ELP1: variants seen among roughly 807,000 people sequenced by gnomAD.
ELP1 encodes elongator acetyltransferase complex subunit 1.
A neutral mutation model predicts 183.2 loss-of-function variants in ELP1; 131 were observed. That is an observed-to-expected ratio of 0.72 (90% CI 0.62 to 0.83). The LOEUF (loss-of-function observed/expected upper bound fraction) is 0.83, where lower values mean the gene tolerates loss of function less well. ELP1 is among the 40% of genes least tolerant of loss of function. ELP1 has a pLI of 0.00. For missense variants in ELP1, 1,550 were observed against 1,594.9 expected, an observed-to-expected ratio of 0.97 and a Z score of 0.48; for synonymous variants, 555 against 569.0, an observed-to-expected ratio of 0.98 and a Z score of 0.35.
intron 28 of ELP1, among the ~76,000 whole-genome samples, chr9:108,890,062 A>G (rs1828264435): frequency 1.3e-5 from 2 of 152,226 alleles, no homozygotes; most frequent in African/African-American, 4.8e-5. Flanking sequence ...AAAACTAGAA[A>G]TACTCCCTCA....
chr9:108,917,660 T>C lies in ELP1; in HGVS notation c.751A>G (p.Ser251Gly), dbSNP rs17853166. The C allele has an allele frequency of 0.021, 34,213 of 1,612,468 alleles. 452 individuals carry two copies. Among genetic ancestry groups the C allele is most frequent in the Non-Finnish European group, 0.025 (29,710 of 1,179,410 alleles). Residue 251 changes from serine to glycine, a missense_variant, in exon 9 of 37, where the codon AGT becomes GGT. Ser to Gly is a moderately conservative substitution (Grantham distance 56). Transcript: ENST00000374647. Reference sequence around the variant, plus strand: ...TTATCTTGTGTAGATGCAATCAAACTGCCTGAGGGTCTTAAAGCAAACTCA... The same window carrying C: ...TTATCTTGTGTAGATGCAATCAAACCGCCTGAGGGTCTTAAAGCAAACTCA... Reference protein sequence around the residue: ...GPALAWKPSGSLIASTQDKPN... With the variant: ...GPALAWKPSGGLIASTQDKPN...
chr9:108,878,777 A>C, intron 33 of ELP1, 27 bp from the exon 34 acceptor site: 1 of 1,612,520 alleles, frequency 6.2e-7, no homozygotes, highest in East Asian at 2.2e-5. Context: ...AGATATTTTT[A>C]AGCCTCCTGA....
intron 10 of ELP1, among the ~76,000 whole-genome samples, chr9:108,914,413 AGG>A (rs762220846): frequency 0.12 from 10,670 of 89,276 alleles, 680 homozygotes; most frequent in Middle Eastern, 0.16. Flanking sequence ...AAAAAAAAAA[AGG>A]GGGGGGGGGT....
At chr9:108,923,391 A>C (rs888260328) in intron 5 of ELP1, among the ~76,000 whole-genome samples, 1 of 151,922 alleles carries the variant, frequency 6.6e-6, no homozygotes, top group Non-Finnish European at 1.5e-5. Flanking sequence ...AACAAACAAA[A>C]CCCATTTCAT....
intron 36 of ELP1, among the ~76,000 whole-genome samples, chr9:108,873,873 A>ATTT (rs1827586939): frequency 6.6e-6 from 1 of 151,994 alleles, no homozygotes; most frequent in Admixed American, 6.5e-5. Flanking sequence ...TCTAAATGAA[A>ATTT]AAACTTAAGA....
At position 108,880,039 on chromosome 9, in the gene ELP1, C is replaced by T. The variant is rs149897637; in HGVS notation, c.3460+13G>A. ...TGCCCCCGCACGTCGATGGCCTTCACGCAGATACTCACCCAGACCTGCCTG... is the reference window on the plus strand; with the variant it reads ...TGCCCCCGCACGTCGATGGCCTTCATGCAGATACTCACCCAGACCTGCCTG... On this transcript the variant is annotated intron_variant, in intron 32 of 36. Coordinates refer to ENST00000374647, the MANE Select transcript of ELP1 (RefSeq NM_003640.5). 5.8e-5 allele frequency: 91 copies of T among 1,560,340 alleles called. 1 individual carries two copies. Among genetic ancestry groups the T allele is most frequent in the African/African-American group, 3.0e-4 (22 of 73,904 alleles).
At chr9:108,893,591 T>A (rs144470593) in intron 26 of ELP1, among the ~76,000 whole-genome samples, 78 of 152,246 alleles carry the variant, frequency 5.1e-4, no homozygotes, top group African/African-American at 1.8e-3. Context: ...GCCTCATCAC[T>A]CTCTCCAGAC....
chr9:108,929,352 T>C (rs1038952931), intron 3 of ELP1, among the ~76,000 whole-genome samples: 1 of 152,206 alleles, frequency 6.6e-6, no homozygotes, highest in African/African-American at 2.4e-5. Context: ...CTTTAGTGCC[T>C]AGACTTCAGG....
At position 108,918,517 on chromosome 9, in the gene ELP1, T is replaced by TATA. The variant is rs531045349; in HGVS notation, c.740+291_740+293dup. ...TTCTGCTCTGTACAATGGCTTCATA[T>TATA]ATACCCTGCCTTAAAACCACAGCCT... On this transcript the variant is annotated intron_variant, in intron 8 of 36. Transcript: ENST00000374647. Among the ~76,000 whole-genome samples the TATA allele has an allele frequency of 2.2e-3, 332 of 152,300 alleles. 3 individuals carry two copies. Among genetic ancestry groups the TATA allele is most frequent in the Non-Finnish European group, 3.6e-3 (242 of 68,040 alleles).
At chr9:108,884,000 T>C (rs114769295) in intron 29 of ELP1, among the ~76,000 whole-genome samples, 1 of 143,448 alleles carries the variant, frequency 7.0e-6, no homozygotes, top group Admixed American at 7.0e-5. Context: ...AAATTAGATT[T>C]AAAAAAAAAA....
intron 29 of ELP1, among the ~76,000 whole-genome samples, chr9:108,882,512 G>C (rs1442694147): frequency 6.6e-6 from 1 of 152,068 alleles, no homozygotes; most frequent in Non-Finnish European, 1.5e-5. Flanking sequence ...AGCAGGTTTA[G>C]GTGGGCTCCA....
At position 108,914,066 on chromosome 9, in the gene ELP1, T is replaced by C. The variant is rs571230461; in HGVS notation, c.959-1572A>G. Among the ~76,000 whole-genome samples, 9 of 152,212 alleles carry C rather than the reference T, an allele frequency of 5.9e-5. No individual in the cohort carries two copies. The South Asian group carries it at 1.9e-3, about 32-fold the overall frequency. The stretch of plus-strand genomic sequence containing the variant: ...AGGTGTGGCCAGGGTTAAGAACTAT[T>C]GTGTTGAATGAATAATGAGTTTCTT... On this transcript the variant is annotated intron_variant, in intron 10 of 36. Transcript: ENST00000374647.
chr9:108,925,477 A>G (rs576818083), intron 5 of ELP1, among the ~76,000 whole-genome samples: 2 of 152,064 alleles, frequency 1.3e-5, no homozygotes, highest in Admixed American at 1.3e-4. Context: ...TCACCTACCC[A>G]ATACCAATTC....
rs1303840559 is a variant in ELP1 at position 108,868,639 on chromosome 9, T to G, written c.*476A>C. The G allele has an allele frequency of 2.2e-6, 1 of 447,922 alleles. No homozygotes were observed. Among genetic ancestry groups the G allele is most frequent in the African/African-American group, 2.0e-5 (1 of 49,766 alleles). The allele number at this position is 447,922 out of a possible 1,614,324, so 27.7% of individuals were successfully genotyped here. A position where few individuals can be genotyped will look rare whatever the true frequency, so the allele number is the denominator to read the frequency against. ...CTGTCAGCAAAGGAGGGCTTATAAT[T>G]TCAAAGGATACTTTTTATTCTGCTT... On this transcript the variant is annotated 3_prime_UTR_variant, in exon 37 of 37. Coordinates refer to ENST00000374647, the MANE Select transcript of ELP1 (RefSeq NM_003640.5).
Position 108,900,324 on chromosome 9 carries a change from C to G in ELP1, c.2066G>C (p.Arg689Pro). Reference protein sequence around the residue: ...SNHVSHGEVLRKVERGSRIVT... With the variant: ...SNHVSHGEVLPKVERGSRIVT... ...AATCCGTGAACCCCTCTCCACTTTC[C>G]GCAGAACTTCCCCATGGGACACATG... Residue 689 changes from arginine to proline, a missense_variant, in exon 19 of 37, where the codon CGG becomes CCG. Transcript: ENST00000374647. The G allele has an allele frequency of 1.2e-6, 2 of 1,614,190 alleles. No homozygotes were observed. The highest frequency in any genetic ancestry group is 1.7e-5 in the Admixed American group (1 of 60,028).
Position 108,898,481 on chromosome 9 carries a change from TG to T in ELP1, c.2363+20del, listed in dbSNP as rs779654392. The T allele has an allele frequency of 7.3e-7, 1 of 1,361,836 alleles. No homozygotes were observed. Among genetic ancestry groups the T allele is most frequent in the African/African-American group, 1.4e-5 (1 of 69,326 alleles). The allele number at this position is 1,361,836 out of a possible 1,614,324, so 84.4% of individuals were successfully genotyped here. A position where few individuals can be genotyped will look rare whatever the true frequency, so the allele number is the denominator to read the frequency against. On this transcript the variant is annotated intron_variant, in intron 22 of 36. Coordinates refer to ENST00000374647, the MANE Select transcript of ELP1 (RefSeq NM_003640.5). ...GAGAAAACTATGGAAAAGATACACA[TG>T]AATTATTCAAAATACTTACTTCAAT...
intron 14 of ELP1, 35 bp from the exon 15 acceptor site, chr9:108,903,704 C>T (rs1269336145): frequency 6.8e-7 from 1 of 1,463,686 alleles, no homozygotes; most frequent in East Asian, 2.3e-5. Flanking sequence ...TGTAAACAGA[C>T]CATTTTTCTC....
Position 108,882,119 on chromosome 9 carries a change from T to A in ELP1, c.3285+6A>T, listed in dbSNP as rs1465325866. On this transcript the variant is annotated splice_donor_region_variant and intron_variant, in intron 30 of 36. Coordinates refer to ENST00000374647, the MANE Select transcript of ELP1 (RefSeq NM_003640.5). The stretch of plus-strand genomic sequence containing the variant: ...CCAACATCCAGAGGATTTACAAGAT[T>A]CTTACCAGCCTCAAAGCTTCTTCCC... The A allele has an allele frequency of 5.0e-6, 8 of 1,612,804 alleles. No individual in the cohort carries two copies. The highest frequency in any genetic ancestry group is 5.1e-6 in the Non-Finnish European group (6 of 1,179,166).
At chr9:108,884,971 C>G (rs1828069863) in intron 29 of ELP1, among the ~76,000 whole-genome samples, 1 of 151,966 alleles carries the variant, frequency 6.6e-6, no homozygotes, top group African/African-American at 2.4e-5. Context: ...ATCCCAACTA[C>G]TCTGGAGGCT....
Sources: gnomAD v4.1 joint callset for allele counts (sites outside exome capture counted in the v4.1 genomes callset) on GRCh38, gnomAD v4.1.1 for gene constraint, MANE v1.5 for transcripts, NCBI Gene and HGNC (gene_info 2026-07-23, HGNC 2026-07-21) for gene names.